EHBP1: variants seen among roughly 807,000 people sequenced by gnomAD.
The protein encoded by EHBP1 is EH domain binding protein 1.
In EHBP1, 55 loss-of-function variants were observed where a neutral mutation model predicts 144.0. The ratio of observed to expected loss-of-function variants is 0.38; its 90% CI spans 0.31 to 0.48. The LOEUF is 0.48. Ranked by LOEUF, EHBP1 falls within the 20% of genes least tolerant of loss-of-function variation. The pLI, the probability that EHBP1 is intolerant of heterozygous loss-of-function variation, is 0.98. For missense variants in EHBP1, 1,200 were observed against 1,364.2 expected, an observed-to-expected ratio of 0.88 and a Z score of 1.90; for synonymous variants, 469 against 472.7, an observed-to-expected ratio of 0.99 and a Z score of 0.10.
At chr2:62,699,740 T>C (rs2034218662) in intron 1 of EHBP1, among the ~76,000 whole-genome samples, 1 of 152,236 alleles carries the variant, frequency 6.6e-6, no homozygotes, top group Non-Finnish European at 1.5e-5. Context: ...ATATCATTGT[T>C]GCCTGCAATA....
intron 20 of EHBP1, among the ~76,000 whole-genome samples, chr2:63,038,409 G>A (rs1390789540): frequency 6.6e-6 from 1 of 151,938 alleles, no homozygotes; most frequent in Non-Finnish European, 1.5e-5. Context: ...TTTTCATATG[G>A]AGTTTTGGAA....
At chr2:62,863,641 A>G (rs2049784113) in intron 8 of EHBP1, among the ~76,000 whole-genome samples, 1 of 152,056 alleles carries the variant, frequency 6.6e-6, no homozygotes, top group African/African-American at 2.4e-5. Context: ...GTCTTGTAGC[A>G]TACAGAAACC....
chr2:62,806,480 C>G (rs1343812220), intron 5 of EHBP1, among the ~76,000 whole-genome samples: 1 of 152,010 alleles, frequency 6.6e-6, no homozygotes, highest in Non-Finnish European at 1.5e-5. Context: ...AAGAAATCCT[C>G]CCACCTCAGC....
At chr2:62,711,698 A>C (rs142440133) in intron 2 of EHBP1, among the ~76,000 whole-genome samples, 1 of 152,268 alleles carries the variant, frequency 6.6e-6, no homozygotes, top group East Asian at 1.9e-4. Context: ...GGAGCCAACA[A>C]AGGAGACAGG....
At chr2:62,943,376 CA>C (rs11306610) in intron 11 of EHBP1, among the ~76,000 whole-genome samples, 27,552 of 87,626 alleles carry the variant, frequency 0.31, 2,058 homozygotes, top group East Asian at 0.51. Flanking sequence ...AACTCCGTCT[CA>C]AAAAAAAAAA....
At chr2:62,682,626 T>C (rs922677389) in intron 1 of EHBP1, among the ~76,000 whole-genome samples, 2 of 152,210 alleles carry the variant, frequency 1.3e-5, no homozygotes, top group African/African-American at 2.4e-5. Flanking sequence ...ACCAGGATCA[T>C]GTTGACATTT....
At chr2:62,889,373 C>A (rs560144075) in intron 10 of EHBP1, among the ~76,000 whole-genome samples, 1 of 151,788 alleles carries the variant, frequency 6.6e-6, no homozygotes, top group East Asian at 1.9e-4. Flanking sequence ...TTGATAGTTT[C>A]TTTTGCTGTG....
chr2:63,043,512 T>C (rs146064180), intron 21 of EHBP1, among the ~76,000 whole-genome samples: 273 of 152,326 alleles, frequency 1.8e-3, no homozygotes, highest in African/African-American at 6.1e-3. Flanking sequence ...ATGAAAGAAA[T>C]AGTGATAAAT....
intron 7 of EHBP1, among the ~76,000 whole-genome samples, chr2:62,838,123 A>T (rs964178173): frequency 5.9e-5 from 9 of 151,844 alleles, no homozygotes; most frequent in African/African-American, 9.7e-5. Flanking sequence ...AAAAGAACAG[A>T]CATTATAACA....
chr2:62,816,674 T>G (rs1355759374), intron 5 of EHBP1, among the ~76,000 whole-genome samples: 1 of 152,208 alleles, frequency 6.6e-6, no homozygotes, highest in Non-Finnish European at 1.5e-5. Context: ...ATAATCTGTG[T>G]ATGGAGTTGT....
chr2:62,748,602 T>C (rs2039377225), intron 3 of EHBP1, among the ~76,000 whole-genome samples: 1 of 152,002 alleles, frequency 6.6e-6, no homozygotes, highest in Non-Finnish European at 1.5e-5. Flanking sequence ...TGAAGCTTTA[T>C]TGAGCTAAGA....
intron 19 of EHBP1, among the ~76,000 whole-genome samples, chr2:63,031,169 C>G (rs572448747): frequency 2.2e-4 from 34 of 152,126 alleles, no homozygotes; most frequent in Non-Finnish European, 4.4e-4. Flanking sequence ...ATATCTGTCA[C>G]TTCTAGAGCC....
chr2:62,823,411 A>G (rs1213937895), intron 5 of EHBP1, among the ~76,000 whole-genome samples: 3 of 152,104 alleles, frequency 2.0e-5, no homozygotes, highest in Non-Finnish European at 4.4e-5. Context: ...TCCAACCCAC[A>G]TGTGATCTGA....
chr2:63,002,586 G>A (rs1328617796), intron 19 of EHBP1, among the ~76,000 whole-genome samples: 2 of 151,952 alleles, frequency 1.3e-5, no homozygotes, highest in African/African-American at 2.4e-5. Context: ...GTTTACTTAT[G>A]GTTGTTACTT....
intron 2 of EHBP1, among the ~76,000 whole-genome samples, chr2:62,740,172 A>ACTCT (rs745818149): frequency 3.9e-5 from 6 of 152,160 alleles, no homozygotes; most frequent in Non-Finnish European, 8.8e-5. Context: ...AAAAGTAATC[A>ACTCT]CTCTGTTAAA....
At chr2:62,755,889 C>A (rs969031736) in intron 3 of EHBP1, among the ~76,000 whole-genome samples, 2 of 151,470 alleles carry the variant, frequency 1.3e-5, no homozygotes, top group Non-Finnish European at 2.9e-5. Flanking sequence ...AGCTTGAATG[C>A]CACATTCAGG....
intron 10 of EHBP1, among the ~76,000 whole-genome samples, chr2:62,911,863 T>G (rs1265550019): frequency 6.6e-6 from 1 of 152,192 alleles, no homozygotes; most frequent in Non-Finnish European, 1.5e-5. Flanking sequence ...GTCTGTGTAA[T>G]GTATTGGTAA....
intron 1 of EHBP1, among the ~76,000 whole-genome samples, chr2:62,678,911 AT>A (rs2151724583): frequency 6.6e-6 from 1 of 152,232 alleles, no homozygotes; most frequent in African/African-American, 2.4e-5. Flanking sequence ...ATTTTAAATT[AT>A]TTTAAAGCCA....
chr2:62,775,060 C>T (rs1057458950), intron 5 of EHBP1, among the ~76,000 whole-genome samples: 1 of 151,964 alleles, frequency 6.6e-6, no homozygotes. Flanking sequence ...AAGGATCCCC[C>T]GTCTTTATGA....
Sources: gnomAD v4.1 joint callset for allele counts (sites outside exome capture counted in the v4.1 genomes callset) on GRCh38, gnomAD v4.1.1 for gene constraint, MANE v1.5 for transcripts, NCBI Gene and HGNC (gene_info 2026-07-23, HGNC 2026-07-21) for gene names.